The following FSTL4 variants were observed in gnomAD, a reference collection of about 807,000 sequenced individuals.
FSTL4 encodes the protein follistatin like 4.
Under a neutral mutation model 78.2 loss-of-function variants are expected in FSTL4, and 28 were observed. The observed-to-expected ratio is 0.36, with a 90% CI of 0.27 to 0.49. The LOEUF (loss-of-function observed/expected upper bound fraction) is 0.49. FSTL4 is among the 20% of genes least tolerant of loss of function. The probability of loss-of-function intolerance (pLI) is 0.98; values close to 1 mark genes in which losing one functional copy is unlikely to be tolerated. For missense variants in FSTL4, 922 were observed against 1,084.9 expected (o/e 0.85, Z 2.11); for synonymous variants, 422 against 440.5 (o/e 0.96, Z 0.53).
At chr5:133,249,688 C>T (rs61111954) in intron 6 of FSTL4, 112 bp from the exon 7 acceptor site, 10,158 of 737,056 alleles carry the variant, frequency 0.014, 370 homozygotes, top group African/African-American at 0.11. Flanking sequence ...AAGGGCTTCA[C>T]GACTCCCTGA....
the FSTL4 span, among the ~76,000 whole-genome samples, chr5:133,660,353 G>T: frequency 6.6e-6 from 1 of 152,140 alleles, no homozygotes; most frequent in Non-Finnish European, 1.5e-5. Context: ...AACCCAGCCC[G>T]GTCCATGGGA....
At chr5:133,503,131 C>A (rs140171551) in intron 3 of FSTL4, among the ~76,000 whole-genome samples, 1 of 152,054 alleles carries the variant, frequency 6.6e-6, no homozygotes, top group Non-Finnish European at 1.5e-5. Flanking sequence ...TGGTAATTTA[C>A]GACAAAATTA....
At chr5:133,484,762 C>T (rs2112861823) in intron 3 of FSTL4, among the ~76,000 whole-genome samples, 1 of 152,336 alleles carries the variant, frequency 6.6e-6, no homozygotes, top group East Asian at 1.9e-4. Flanking sequence ...AATGTAGCCA[C>T]ACTTCTGCAA....
chr5:133,581,445 G>A lies in FSTL4; in HGVS notation c.127-14226C>T, dbSNP rs561673192. Reference sequence around the variant, plus strand: ...GAAAGGAATGAGGGAGCATGCAGACGGCATGCAATGTCACTCCTCAAGTAG... The same window carrying A: ...GAAAGGAATGAGGGAGCATGCAGACAGCATGCAATGTCACTCCTCAAGTAG... On this transcript the variant is annotated intron_variant, in intron 2 of 15. Transcript: ENST00000265342. 1.6e-4 allele frequency among the ~76,000 whole-genome samples: 24 copies of A among 152,356 alleles called. No homozygotes were observed. The South Asian group carries it at 3.3e-3, about 21-fold the overall frequency.
At chr5:133,258,715 A>T (rs774672591) in intron 6 of FSTL4, among the ~76,000 whole-genome samples, 3 of 152,176 alleles carry the variant, frequency 2.0e-5, no homozygotes, top group South Asian at 2.1e-4. Context: ...CTTGATGAGG[A>T]TGGGAAACCA....
At chr5:133,554,106 C>T (rs1040309552) in intron 3 of FSTL4, among the ~76,000 whole-genome samples, 6 of 152,202 alleles carry the variant, frequency 3.9e-5, no homozygotes, top group African/African-American at 1.4e-4. Flanking sequence ...TGGATGATTC[C>T]ATGAATGGTA....
At chr5:133,561,255 G>C (rs941752686) in intron 3 of FSTL4, among the ~76,000 whole-genome samples, 2 of 152,018 alleles carry the variant, frequency 1.3e-5, no homozygotes, top group Non-Finnish European at 2.9e-5. Flanking sequence ...GGCCAGGCCT[G>C]TAAGAGCTCT....
intron 6 of FSTL4, among the ~76,000 whole-genome samples, chr5:133,295,434 A>C (rs1404725995): frequency 6.6e-6 from 1 of 152,084 alleles, no homozygotes; most frequent in African/African-American, 2.4e-5. Context: ...TCATCCACAG[A>C]CATGCCGGTT....
chr5:133,826,601 G>A, the FSTL4 span, among the ~76,000 whole-genome samples: 23 of 152,224 alleles, frequency 1.5e-4, no homozygotes, highest in East Asian at 7.7e-4. Flanking sequence ...CAAATCCCCC[G>A]TTGGCCTTTC....
At chr5:133,655,571 T>A in the FSTL4 span, among the ~76,000 whole-genome samples, 816 of 152,284 alleles carry the variant, frequency 5.4e-3, 8 homozygotes, top group Non-Finnish European at 5.9e-3. Flanking sequence ...GGCCTTGTAC[T>A]AGGAACTGGG....
chr5:133,425,377 G>C (rs1756790585), intron 3 of FSTL4, among the ~76,000 whole-genome samples: 1 of 152,184 alleles, frequency 6.6e-6, no homozygotes, highest in Non-Finnish European at 1.5e-5. Context: ...CCATCCCCAG[G>C]TGGCAAAGCT....
chr5:133,724,046 T>C, the FSTL4 span, among the ~76,000 whole-genome samples: 2 of 152,212 alleles, frequency 1.3e-5, no homozygotes, highest in Non-Finnish European at 2.9e-5. Flanking sequence ...CTACTTGCCC[T>C]AGAGCAGGAC....
the FSTL4 span, among the ~76,000 whole-genome samples, chr5:133,742,436 T>C: frequency 6.6e-6 from 1 of 152,072 alleles, no homozygotes; most frequent in African/African-American, 2.4e-5. Context: ...AGGTGATATA[T>C]AAGGAAACAA....
At chr5:133,314,839 T>C (rs191776183) in intron 5 of FSTL4, among the ~76,000 whole-genome samples, 2 of 152,078 alleles carry the variant, frequency 1.3e-5, no homozygotes, top group African/African-American at 2.4e-5. Flanking sequence ...ATGATGATGA[T>C]GGCAACAATA....
chr5:133,630,070 C>T, the FSTL4 span, among the ~76,000 whole-genome samples: 3 of 152,364 alleles, frequency 2.0e-5, no homozygotes, highest in South Asian at 6.2e-4. Flanking sequence ...GGAAGCATTC[C>T]CTTTGAAAAC....
intron 4 of FSTL4, among the ~76,000 whole-genome samples, chr5:133,331,998 G>A (rs781723664): frequency 1.6e-4 from 25 of 152,210 alleles, no homozygotes; most frequent in Non-Finnish European, 3.4e-4. Context: ...TCAACCTGAA[G>A]CTTCTGAGCT....
intron 6 of FSTL4, among the ~76,000 whole-genome samples, chr5:133,260,346 A>T (rs149663341): frequency 6.6e-6 from 1 of 152,244 alleles, no homozygotes; most frequent in Non-Finnish European, 1.5e-5. Context: ...CTGTTTAATT[A>T]TCCAGTCTCC....
chr5:133,796,225 C>G, the FSTL4 span, among the ~76,000 whole-genome samples: 1 of 152,376 alleles, frequency 6.6e-6, no homozygotes, highest in East Asian at 1.9e-4. Flanking sequence ...GTCACCGCTG[C>G]TGCTCAAATC....
rs150906010 is a variant in FSTL4, at chr5:133,430,590, G to A, written c.161-29604C>T. ...GTTCAGGCATGCCTCGGCACCACCCGTGTCTTTTTAGCCAAATTAATACCA... is the reference window on the plus strand; with the variant it reads ...GTTCAGGCATGCCTCGGCACCACCCATGTCTTTTTAGCCAAATTAATACCA... On this transcript the variant is annotated intron_variant, in intron 3 of 15. Coordinates refer to ENST00000265342, the MANE Select transcript of FSTL4 (RefSeq NM_015082.2). Among the ~76,000 whole-genome samples, 376 of 152,242 alleles carry A rather than the reference G, an allele frequency of 2.5e-3. 3 individuals are homozygous for A. The highest frequency in any genetic ancestry group is 7.8e-3 in the African/African-American group (322 of 41,532).
Sources: allele counts gnomAD v4.1 joint callset (sites outside exome capture counted in the v4.1 genomes callset), GRCh38; gene constraint gnomAD v4.1.1; transcripts MANE v1.5; gene names NCBI Gene and HGNC (gene_info 2026-07-23, HGNC 2026-07-21).